The following RAB3GAP2 variants were observed in gnomAD, a reference collection of about 807,000 sequenced individuals.
RAB3GAP2 encodes the protein RAB3 GTPase activating non-catalytic protein subunit 2, also known as rab3 GTPase-activating protein non-catalytic subunit.
Under a neutral mutation model 185.3 loss-of-function variants are expected in RAB3GAP2, and 87 were observed. That is an observed-to-expected ratio of 0.47 (90% CI 0.39 to 0.56). RAB3GAP2 has a LOEUF of 0.56. RAB3GAP2 is among the 20% of genes least tolerant of loss of function. The probability of loss-of-function intolerance (pLI) is 0.00; values close to 1 mark genes in which losing one functional copy is unlikely to be tolerated. For synonymous variants in RAB3GAP2, 554 were observed against 576.1 expected (o/e 0.96, Z 0.55); for missense variants, 1,492 against 1,638.2 (o/e 0.91, Z 1.54).
chr1:220,191,621 C>T (rs918397947), intron 13 of RAB3GAP2, among the ~76,000 whole-genome samples: 3 of 151,882 alleles, frequency 2.0e-5, no homozygotes, highest in Admixed American at 1.3e-4. Flanking sequence ...GAGTTCGAGA[C>T]CAGCCTGACC....
intron 1 of RAB3GAP2, among the ~76,000 whole-genome samples, chr1:220,261,930 T>C (rs2102532736): frequency 6.6e-6 from 1 of 152,112 alleles, no homozygotes; most frequent in Non-Finnish European, 1.5e-5. Context: ...ATAAGCAGCT[T>C]TGTCGCGTTT....
At chr1:220,213,113 A>G in intron 3 of RAB3GAP2, 145 bp from the exon 4 acceptor site, 1 of 589,202 alleles carries the variant, frequency 1.7e-6, no homozygotes. Flanking sequence ...TTTATAGGTA[A>G]ATATAAGATA....
chr1:220,272,438 C>A lies in RAB3GAP2; in HGVS notation c.-101G>T. 1.3e-6 allele frequency: 1 copy of A among 778,914 alleles called. No homozygotes were observed. The highest frequency in any genetic ancestry group is 2.2e-6 in the Non-Finnish European group (1 of 449,198). 48.3% of individuals were successfully genotyped at this position (778,914 alleles called of 1,614,324 possible). A position where few individuals can be genotyped will look rare whatever the true frequency, so the allele number is the denominator to read the frequency against. ...CCGAGCCCCAATAGCTCTAGCCAAGCAGAAGGCGGAGAAACCAAACCGGAA... is the reference window on the plus strand; with the variant it reads ...CCGAGCCCCAATAGCTCTAGCCAAGAAGAAGGCGGAGAAACCAAACCGGAA... On this transcript the variant is annotated 5_prime_UTR_variant, in exon 1 of 35. Coordinates refer to ENST00000358951, the MANE Select transcript of RAB3GAP2 (RefSeq NM_012414.4).
rs1375648980 is a variant in RAB3GAP2 at position 220,191,280 on chromosome 1, G to A, written c.1275C>T (p.Tyr425=). The A allele has an allele frequency of 2.1e-6, 3 of 1,460,940 alleles. No homozygotes were observed. The Admixed American group carries it at 5.8e-5, about 28-fold the overall frequency. The allele number at this position is 1,460,940 out of a possible 1,614,324, so 90.5% of individuals were successfully genotyped here. ...RGIAIRMWKG[Y]RDAQIGWIQT... is the part of the protein sequence containing the mutation. ...GAATCCATCCAATTTGTGCGTCGCG[G>A]TACCCTTAGAGACAGAGGTAAAGGG... Residue 425 remains tyrosine, a synonymous_variant, in exon 14 of 35, where the codon TAC becomes TAT. Transcript: ENST00000358951.
In RAB3GAP2 at chr1:220,151,283, C is replaced by CT; in HGVS notation, c.4149dup (p.Ala1384SerfsTer18). 6.2e-7 allele frequency: 1 copy of CT among 1,614,028 alleles called. No individual in the cohort carries two copies. ...GAAGGAAGAGATATGGCTTCCACAG[C>CT]TTCAATGAGGTGTAAGGCTAGACCA... On this transcript the variant is annotated frameshift_variant, in exon 35 of 35. Transcript: ENST00000358951. LOFTEE classifies it high-confidence loss of function.
intron 12 of RAB3GAP2, 123 bp from the exon 13 acceptor site, chr1:220,193,502 A>C: frequency 1.1e-6 from 1 of 932,278 alleles, no homozygotes; most frequent in Non-Finnish European, 1.6e-6. Context: ...TATGAATTTT[A>C]CCTGGATTAA....
Position 220,205,897 on chromosome 1 carries a change from A to C in RAB3GAP2, c.712+10T>G. ...TAACAGAGGTTAAATATTTCTTGCC[A>C]AAATATTACCTTTTGCTACCTGATT... On this transcript the variant is annotated intron_variant, in intron 8 of 34. Coordinates refer to ENST00000358951, the MANE Select transcript of RAB3GAP2 (RefSeq NM_012414.4). The C allele has an allele frequency of 6.4e-7, 1 of 1,562,528 alleles. No individual in the cohort carries two copies. The highest frequency in any genetic ancestry group is 8.8e-7 in the Non-Finnish European group (1 of 1,134,028).
chr1:220,184,947 C>T (rs1658482170), intron 18 of RAB3GAP2, among the ~76,000 whole-genome samples: 1 of 151,794 alleles, frequency 6.6e-6, no homozygotes, highest in South Asian at 2.1e-4. Flanking sequence ...TGTTTGAAGT[C>T]CTGAAAGAAC....
intron 1 of RAB3GAP2, chr1:220,267,560 T>C: frequency 7.2e-7 from 1 of 1,388,732 alleles, no homozygotes; most frequent in Admixed American, 1.7e-5. Context: ...ATTCTTCATT[T>C]TTCTGTTTTG....
chr1:220,152,315 G>A (rs1657772631), intron 33 of RAB3GAP2, among the ~76,000 whole-genome samples: 1 of 152,162 alleles, frequency 6.6e-6, no homozygotes, highest in Admixed American at 6.5e-5. Context: ...GACCTCAAGT[G>A]ATCCACCCAC....
intron 2 of RAB3GAP2, among the ~76,000 whole-genome samples, chr1:220,220,911 T>C (rs1659294071): frequency 6.6e-6 from 1 of 152,180 alleles, no homozygotes; most frequent in Non-Finnish European, 1.5e-5. Flanking sequence ...TTGCCCAGTC[T>C]CAGGTATGTC....
Position 220,197,380 on chromosome 1 carries a change from A to G in RAB3GAP2, c.812-982T>C, listed in dbSNP as rs1658750297. On this transcript the variant is annotated intron_variant, in intron 9 of 34. Coordinates refer to ENST00000358951, the MANE Select transcript of RAB3GAP2 (RefSeq NM_012414.4). ...TTGCCTGAAAACTGTCAAAAAATGC[A>G]TTCGTCCTTAAGACGTGTCCTAGGA... Among the ~76,000 whole-genome samples, 2 of 152,204 alleles carry G rather than the reference A, an allele frequency of 1.3e-5. 1 individual carries two copies. The highest frequency in any genetic ancestry group is 4.1e-4 in the South Asian group (2 of 4,830).
At chr1:220,201,958 A>T (rs2102875462) in intron 9 of RAB3GAP2, among the ~76,000 whole-genome samples, 1 of 152,050 alleles carries the variant, frequency 6.6e-6, no homozygotes, top group East Asian at 1.9e-4. Flanking sequence ...TGAGGTCAGG[A>T]GTTCAAGACC....
rs1038308993 is a variant in RAB3GAP2, at chr1:220,213,744, G to A, written c.304+112C>T. ...GCGGAGGAGGAGTTGGGGGGGGGGG[G>A]AGAGAGAGAGAAATAAATAAATAAA... On this transcript the variant is annotated intron_variant, in intron 3 of 34. Transcript: ENST00000358951. 11 of 896,020 alleles carry A rather than the reference G, an allele frequency of 1.2e-5. No homozygotes were observed. The African/African-American group carries it at 1.8e-4, about 15-fold the overall frequency. 55.5% of individuals were successfully genotyped at this position (896,020 alleles called of 1,614,324 possible). A position where few individuals can be genotyped will look rare whatever the true frequency, so the allele number is the denominator to read the frequency against.
At position 220,253,795 on chromosome 1, in the gene RAB3GAP2, C is replaced by A; in HGVS notation, c.115+18428G>T. ...CACCAATTTGCAGAAACAGCGAGAA[C>A]TTCAAAAAGCCAATCAGGAGCAGTA... On this transcript the variant is annotated intron_variant, in intron 1 of 34. Coordinates refer to ENST00000358951, the MANE Select transcript of RAB3GAP2 (RefSeq NM_012414.4). 5 of 1,611,986 alleles carry A rather than the reference C, an allele frequency of 3.1e-6. No homozygotes were observed. The South Asian group carries it at 5.5e-5, about 18-fold the overall frequency.
chr1:220,252,415 G>A (rs1659951530), intron 1 of RAB3GAP2, among the ~76,000 whole-genome samples: 1 of 152,178 alleles, frequency 6.6e-6, no homozygotes. Flanking sequence ...TGGACGATTA[G>A]AAGCAGCTGT....
Position 220,153,398 on chromosome 1 carries a change from C to CA in RAB3GAP2, c.3653dup (p.Leu1218PhefsTer49). On this transcript the variant is annotated frameshift_variant, in exon 33 of 35. Transcript: ENST00000358951. LOFTEE classifies it high-confidence loss of function. ...CCTGGACAGCTGCACTGACAACTTT[C>CA]AATAAGAACTTGAAAATGGAGAAAG... 6.2e-7 allele frequency: 1 copy of CA among 1,613,908 alleles called. No individual in the cohort carries two copies. The highest frequency in any genetic ancestry group is 1.1e-5 in the South Asian group (1 of 91,086).
At chr1:220,235,106 A>G (rs904120631) in intron 1 of RAB3GAP2, among the ~76,000 whole-genome samples, 5 of 152,192 alleles carry the variant, frequency 3.3e-5, no homozygotes, top group Admixed American at 2.0e-4. Flanking sequence ...ATTAGACTAC[A>G]TGTACTCCTA....
intron 19 of RAB3GAP2, 113 bp downstream of exon 19, chr1:220,183,922 AC>A (rs1558147730): frequency 6.8e-6 from 6 of 880,554 alleles, no homozygotes; most frequent in Non-Finnish European, 8.4e-6. Flanking sequence ...AGGAAAATAT[AC>A]CTTTAAAGCT....
Sources: gnomAD v4.1 joint callset for allele counts (sites outside exome capture counted in the v4.1 genomes callset) on GRCh38, gnomAD v4.1.1 for gene constraint, MANE v1.5 for transcripts, NCBI Gene and HGNC (gene_info 2026-07-23, HGNC 2026-07-21) for gene names.